CASC3: variants seen among roughly 807,000 people sequenced by gnomAD.
The protein encoded by CASC3 is protein CASC3.
Under a neutral mutation model 80.5 loss-of-function variants are expected in CASC3, and 30 were observed. The ratio of observed to expected loss-of-function variants is 0.37; its 90% confidence interval spans 0.28 to 0.51. The LOEUF is 0.51. CASC3 is among the 20% of genes least tolerant of loss of function. The pLI, the probability that CASC3 is intolerant of heterozygous loss-of-function variation, is 0.94. For missense variants in CASC3, 824 were observed against 922.2 expected (o/e 0.89, Z 1.38); for synonymous variants, 312 against 333.6 (o/e 0.94, Z 0.70).
At chr17:40,170,050 C>G (rs983676176) in intron 13 of CASC3, among the ~76,000 whole-genome samples, 1 of 152,106 alleles carries the variant, frequency 6.6e-6, no homozygotes, top group African/African-American at 2.4e-5. Flanking sequence ...GCCACCCCAC[C>G]CAGCCTCTGA....
chr17:40,153,660 T>C (rs1389535570), intron 3 of CASC3, among the ~76,000 whole-genome samples: 3 of 152,250 alleles, frequency 2.0e-5, no homozygotes, highest in African/African-American at 7.2e-5. Context: ...TTAACAGCAC[T>C]TGTTGTGTTA....
intron 7 of CASC3, 62 bp from the exon 8 acceptor site, chr17:40,166,735 T>C: frequency 9.0e-7 from 1 of 1,105,224 alleles, no homozygotes; most frequent in Non-Finnish European, 1.3e-6. Context: ...CTCTTGATAG[T>C]ATCTTTGAGT....
In CASC3 at chr17:40,167,486, T is replaced by C; in HGVS notation, c.1537-12T>C. ...AGAATTCTTATTGTTTAGGCCTCTT[T>C]CTTTGTCTCAGGGTGTCCAGGGTGG... On this transcript the variant is annotated splice_polypyrimidine_tract_variant and intron_variant, in intron 8 of 13. Transcript: ENST00000264645. 1.9e-6 allele frequency: 3 copies of C among 1,606,822 alleles called. No individual in the cohort carries two copies. Among genetic ancestry groups the C allele is most frequent in the Non-Finnish European group, 2.6e-6 (3 of 1,173,594 alleles).
At chr17:40,151,720 G>T (rs1328591342) in intron 3 of CASC3, among the ~76,000 whole-genome samples, 1 of 149,764 alleles carries the variant, frequency 6.7e-6, no homozygotes, top group Admixed American at 6.7e-5. Context: ...AAAAAGGAAG[G>T]AAGAAACCCA....
Position 40,145,310 on chromosome 17 carries a change from A to C in CASC3, c.297+3703A>C, listed in dbSNP as rs147463789. Among the ~76,000 whole-genome samples, 1,366 of 151,894 alleles carry C rather than the reference A, an allele frequency of 9.0e-3. 23 individuals carry two copies. The highest frequency in any genetic ancestry group is 0.032 in the African/African-American group (1,309 of 41,372). On this transcript the variant is annotated intron_variant, in intron 3 of 13. Coordinates refer to ENST00000264645, the MANE Select transcript of CASC3 (RefSeq NM_007359.5). ...TGCCTCAGCCTCCCGAGTAGCTGGG[A>C]CTACAGGTGTGCACCACCACGCTCA...
At chr17:40,147,425 G>T (rs1988888862) in intron 3 of CASC3, among the ~76,000 whole-genome samples, 1 of 152,016 alleles carries the variant, frequency 6.6e-6, no homozygotes, top group Non-Finnish European at 1.5e-5. Context: ...GATTGCTTGA[G>T]CCCAGGAGCC....
chr17:40,166,736 A>G (rs907065828), intron 7 of CASC3, 61 bp from the exon 8 acceptor site: 3 of 1,130,412 alleles, frequency 2.7e-6, no homozygotes, highest in Non-Finnish European at 3.8e-6. Flanking sequence ...TCTTGATAGT[A>G]TCTTTGAGTC....
intron 5 of CASC3, 56 bp from the exon 6 acceptor site, chr17:40,162,669 C>G: frequency 6.4e-7 from 1 of 1,567,184 alleles, no homozygotes; most frequent in South Asian, 1.1e-5. Flanking sequence ...TGTTCAAGAA[C>G]ATCTCTACTT....
intron 3 of CASC3, among the ~76,000 whole-genome samples, chr17:40,160,164 C>G (rs150866008): frequency 6.6e-6 from 1 of 152,184 alleles, no homozygotes; most frequent in Non-Finnish European, 1.5e-5. Context: ...TCACAACTTA[C>G]GTCAAAGTAT....
chr17:40,153,400 A>G (rs556078082), intron 3 of CASC3, among the ~76,000 whole-genome samples: 43 of 152,310 alleles, frequency 2.8e-4, no homozygotes, highest in African/African-American at 9.4e-4. Flanking sequence ...AACAGACACG[A>G]GTTATTTCCA....
At chr17:40,154,652 C>G (rs1181809120) in intron 3 of CASC3, among the ~76,000 whole-genome samples, 1 of 133,506 alleles carries the variant, frequency 7.5e-6, no homozygotes, top group East Asian at 1.9e-4. Flanking sequence ...TGTTCACTTT[C>G]TTTATAGTGT....
At chr17:40,142,684 C>G (rs888125333) in intron 3 of CASC3, among the ~76,000 whole-genome samples, 1 of 151,918 alleles carries the variant, frequency 6.6e-6, no homozygotes, top group African/African-American at 2.4e-5. Flanking sequence ...GTCAGGAGAT[C>G]GAAACCGTCC....
intron 3 of CASC3, among the ~76,000 whole-genome samples, chr17:40,154,193 TA>T (rs1989086814): frequency 6.6e-6 from 1 of 151,880 alleles, no homozygotes; most frequent in African/African-American, 2.4e-5. Context: ...GGCAATTTTT[TA>T]AAAATTAATT....
rs139507063 is a variant in CASC3, at chr17:40,156,684, G to A, written c.298-5069G>A. On this transcript the variant is annotated intron_variant, in intron 3 of 13. Transcript: ENST00000264645. ...AGCTGGGGCGACAGAGTGAGACTCC[G>A]TTTCAATAAAAAAAAATTAAAAAAA... 5.0e-3 allele frequency among the ~76,000 whole-genome samples: 752 copies of A among 151,678 alleles called. 7 individuals carry two copies. The highest frequency in any genetic ancestry group is 0.018 in the African/African-American group (729 of 41,372).
rs547819444 is a variant in CASC3 at position 40,159,662 on chromosome 17, A to G, written c.298-2091A>G. Among the ~76,000 whole-genome samples the G allele has an allele frequency of 1.9e-3, 280 of 143,988 alleles. 1 individual carries two copies. Among genetic ancestry groups the G allele is most frequent in the Non-Finnish European group, 3.0e-3 (197 of 66,772 alleles). 94.5% of individuals were successfully genotyped at this position (143,988 alleles called of 152,430 possible). A position where few individuals can be genotyped will look rare whatever the true frequency, so the allele number is the denominator to read the frequency against. ...CTGGGCTGAAATGATCTCACACCTC[A>G]GCCTCCCAAGTTGCTGGGACTATAG... On this transcript the variant is annotated intron_variant, in intron 3 of 13. Transcript: ENST00000264645.
chr17:40,143,488 A>G (rs999793930), intron 3 of CASC3, among the ~76,000 whole-genome samples: 4 of 152,148 alleles, frequency 2.6e-5, no homozygotes, highest in Admixed American at 6.5e-5. Flanking sequence ...CTAGAATTTC[A>G]TATTTGCAAC....
Position 40,155,327 on chromosome 17 carries a change from G to A in CASC3, c.298-6426G>A, listed in dbSNP as rs925357179. On this transcript the variant is annotated intron_variant, in intron 3 of 13. Coordinates refer to ENST00000264645, the MANE Select transcript of CASC3 (RefSeq NM_007359.5). ...CCTGGAGTGCAGTGTCGCTATCTTG[G>A]CTCACTGCAACCTCTGTCTCCTGGG... 2.0e-5 allele frequency among the ~76,000 whole-genome samples: 3 copies of A among 151,562 alleles called. No individual in the cohort carries two copies. The Admixed American group carries it at 2.0e-4, about 10-fold the overall frequency.
chr17:40,141,148 A>G, intron 1 of CASC3, 59 bp from the exon 2 acceptor site: 1 of 1,510,448 alleles, frequency 6.6e-7, no homozygotes, highest in Non-Finnish European at 9.2e-7. Context: ...ACATTTCTTT[A>G]TTGGGCTCCC....
chr17:40,163,522 A>C lies in CASC3; in HGVS notation c.827A>C (p.Glu276Ala). Residue 276 changes from glutamate to alanine, a missense_variant, in exon 7 of 14, where the codon GAG becomes GCG. Physicochemically the swap from Glu to Ala is moderately radical, Grantham distance 107. Coordinates refer to ENST00000264645, the MANE Select transcript of CASC3 (RefSeq NM_007359.5). ...CAAAGAGATCCAAACTGGAACGGTG[A>C]GCGGCTAAACAAGTCTCATCGCCAC... ...PPQRDPNWNGERLNKSHRHQG... is the reference protein window; with the variant it reads ...PPQRDPNWNGARLNKSHRHQG... 7 of 1,613,754 alleles carry C rather than the reference A, an allele frequency of 4.3e-6. No homozygotes were observed. The highest frequency in any genetic ancestry group is 5.9e-6 in the Non-Finnish European group (7 of 1,179,856).
Sources: gnomAD v4.1 joint callset for allele counts (sites outside exome capture counted in the v4.1 genomes callset) on GRCh38, gnomAD v4.1.1 for gene constraint, MANE v1.5 for transcripts, NCBI Gene and HGNC (gene_info 2026-07-23, HGNC 2026-07-21) for gene names.